MCCC1: variants seen among roughly 807,000 people sequenced by gnomAD.
The protein encoded by MCCC1 is methylcrotonyl-CoA carboxylase subunit 1.
Under a neutral mutation model 83.8 loss-of-function variants are expected in MCCC1, and 64 were observed. The observed-to-expected ratio is 0.76, with a 90% confidence interval of 0.62 to 0.94. MCCC1 has a LOEUF of 0.94. Among genes scored for constraint, MCCC1 ranks in the 40% least tolerant of loss-of-function variants. MCCC1 has a pLI of 0.00. For missense variants in MCCC1, 807 were observed against 904.7 expected (o/e 0.89, Z 1.39); for synonymous variants, 322 against 315.4 (o/e 1.02, Z -0.22).
chr3:183,038,241 G>A lies in MCCC1; in HGVS notation c.1377+785C>T, dbSNP rs191428759. On this transcript the variant is annotated intron_variant, in intron 12 of 18. Transcript: ENST00000265594. ...GAAGAAAATGAAGGCTGGCTAAGAGGATAAAGAATAACAAAAGGTCATACT... is the reference window on the plus strand; with the variant it reads ...GAAGAAAATGAAGGCTGGCTAAGAGAATAAAGAATAACAAAAGGTCATACT... Among the ~76,000 whole-genome samples the A allele has an allele frequency of 8.5e-5, 13 of 152,282 alleles. No individual in the cohort carries two copies. The East Asian group carries it at 2.3e-3, about 27-fold the overall frequency.
chr3:183,055,334 C>T (rs930122287), intron 8 of MCCC1, among the ~76,000 whole-genome samples: 2 of 152,046 alleles, frequency 1.3e-5, no homozygotes, highest in Non-Finnish European at 2.9e-5. Context: ...TGCTTAAACC[C>T]GCGAGGCGGA....
intron 3 of MCCC1, among the ~76,000 whole-genome samples, chr3:183,090,524 C>T (rs1439096219): frequency 6.6e-6 from 1 of 152,078 alleles, no homozygotes; most frequent in East Asian, 1.9e-4. Context: ...TAGGCATCAT[C>T]TCACTTACCT....
intron 5 of MCCC1, among the ~76,000 whole-genome samples, chr3:183,071,739 T>C (rs1459196911): frequency 6.6e-6 from 1 of 151,382 alleles, no homozygotes; most frequent in African/African-American, 2.4e-5. Flanking sequence ...TCTCACAATG[T>C]TGCCCATGCC....
At chr3:183,082,716 G>A (rs983412230) in intron 4 of MCCC1, among the ~76,000 whole-genome samples, 3 of 152,194 alleles carry the variant, frequency 2.0e-5, no homozygotes, top group South Asian at 2.1e-4. Context: ...GGTGGCTCAC[G>A]TCGGTAACGC....
At chr3:183,060,286 C>T (rs569709135) in intron 7 of MCCC1, among the ~76,000 whole-genome samples, 8 of 152,162 alleles carry the variant, frequency 5.3e-5, no homozygotes, top group South Asian at 2.1e-4. Context: ...CATAGTTGTA[C>T]GAAATCTTTG....
chr3:183,107,687 C>A (rs1037782546), intron 1 of MCCC1, among the ~76,000 whole-genome samples: 1 of 150,592 alleles, frequency 6.6e-6, no homozygotes, highest in African/African-American at 2.4e-5. Flanking sequence ...GGATTACAGG[C>A]GCATGCCACC....
At chr3:183,102,758 GTTTTTTTTTTTTTTTTTTTTT>G (rs566199257), upstream of MCCC1, among the ~76,000 whole-genome samples, 370 of 52,210 alleles carry the variant, frequency 7.1e-3, 6 homozygotes, top group African/African-American at 0.022. Flanking sequence ...AGCAGAGAAA[GTTTTTTTTTTTTTTTTTTTTT>G]TTTTTTTTTT....
chr3:183,050,433 T>C lies in MCCC1; in HGVS notation c.955+1726A>G, dbSNP rs144499308. 1.8e-3 allele frequency among the ~76,000 whole-genome samples: 271 copies of C among 152,114 alleles called. 1 individual carries two copies. The highest frequency in any genetic ancestry group is 6.2e-3 in the African/African-American group (256 of 41,508). On this transcript the variant is annotated intron_variant, in intron 9 of 18. Transcript: ENST00000265594. ...GAAAAGGAAAGTCGGCCGGGCGCGG[T>C]GGCTCAAGCCTGTAATTCCAGCACT...
intron 12 of MCCC1, among the ~76,000 whole-genome samples, chr3:183,038,229 G>T (rs188119202): frequency 6.6e-6 from 1 of 152,166 alleles, no homozygotes; most frequent in Non-Finnish European, 1.5e-5. Flanking sequence ...GAAAATGAAG[G>T]CTGGCTAAGA....
At chr3:183,087,731 C>T (rs936642601) in intron 3 of MCCC1, among the ~76,000 whole-genome samples, 1 of 151,832 alleles carries the variant, frequency 6.6e-6, no homozygotes, top group Admixed American at 6.6e-5. Context: ...ATTAGCTGGG[C>T]GTGGTGGTCG....
chr3:183,111,589 C>T (rs960502362), intron 1 of MCCC1, among the ~76,000 whole-genome samples: 7 of 152,192 alleles, frequency 4.6e-5, no homozygotes, highest in South Asian at 2.1e-4. Context: ...CGTGAGTCAC[C>T]GCGTCCAGCC....
chr3:183,104,918 C>G lies in MCCC1; in HGVS notation c.-101-10313G>C, dbSNP rs900720215. On this transcript the variant is annotated intron_variant, in intron 1 of 17. Coordinates refer to the MCCC1 transcript ENST00000492597. ...TATCAAAATTGCAAATCCACAAACT[C>G]TTTGACCTAGCAAAAGAATTTCTTG... is the stretch of plus-strand genomic sequence containing the variant. Among the ~76,000 whole-genome samples, 3 of 152,214 alleles carry G rather than the reference C, an allele frequency of 2.0e-5. No individual in the cohort carries two copies. In the East Asian group the frequency reaches 5.8e-4, roughly 29 times the overall value.
Position 183,057,385 on chromosome 3 carries a change from T to G in MCCC1, c.799A>C (p.Asn267His), listed in dbSNP as rs1223449369. The change falls in exon 8 of 19, where the codon AAT (asparagine) becomes CAT (histidine). Residue 267 changes from asparagine to histidine, a missense_variant. Asn to His is a moderately conservative substitution (Grantham distance 68, BLOSUM62 1). Transcript: ENST00000265594. Reference sequence around the variant, plus strand: ...TCTCTTTCAAACAAGTACACAGCATTGCCATGGTGATCACCAAACACCTGG... The same window carrying G: ...TCTCTTTCAAACAAGTACACAGCATGGCCATGGTGATCACCAAACACCTGG... ...EVQVFGDHHG[N>H]AVYLFERDCS... The G allele has an allele frequency of 3.1e-6, 5 of 1,610,028 alleles. No individual in the cohort carries two copies. Among genetic ancestry groups the G allele is most frequent in the Non-Finnish European group, 1.7e-6 (2 of 1,177,848 alleles).
chr3:183,107,435 A>AAAAGG (rs1021251834), intron 1 of MCCC1, among the ~76,000 whole-genome samples: 1 of 149,812 alleles, frequency 6.7e-6, no homozygotes, highest in Admixed American at 6.6e-5. Context: ...AAAGAAAAAG[A>AAAAGG]AAAAGAAAAC....
intron 1 of MCCC1, among the ~76,000 whole-genome samples, chr3:183,106,833 C>T (rs559765822): frequency 3.3e-5 from 5 of 152,056 alleles, no homozygotes; most frequent in South Asian, 2.1e-4. Flanking sequence ...CTTTATCTTT[C>T]TCTCTCTCCC....
chr3:183,037,657 G>C (rs920492452), intron 12 of MCCC1, among the ~76,000 whole-genome samples: 2 of 152,122 alleles, frequency 1.3e-5, no homozygotes, highest in African/African-American at 4.8e-5. Context: ...ATATCCATCT[G>C]GACTTGACAC....
At chr3:183,060,829 G>A (rs1046452027) in intron 7 of MCCC1, among the ~76,000 whole-genome samples, 1 of 151,980 alleles carries the variant, frequency 6.6e-6, no homozygotes, top group Non-Finnish European at 1.5e-5. Flanking sequence ...GCGGTGTTCC[G>A]TTTTTTTGTC....
intron 3 of MCCC1, among the ~76,000 whole-genome samples, chr3:183,087,593 T>G (rs1455678539): frequency 6.6e-6 from 1 of 152,048 alleles, no homozygotes; most frequent in Non-Finnish European, 1.5e-5. Context: ...TGATCAAGAC[T>G]GGCCGGGCAT....
intron 4 of MCCC1, among the ~76,000 whole-genome samples, chr3:183,081,254 A>G (rs1016332815): frequency 6.6e-6 from 1 of 152,214 alleles, no homozygotes; most frequent in African/African-American, 2.4e-5. Context: ...TGCTTCAGGC[A>G]TGTATTGAGC....
Sources: gnomAD v4.1 joint callset for allele counts (sites outside exome capture counted in the v4.1 genomes callset) on GRCh38, gnomAD v4.1.1 for gene constraint, MANE v1.5 for transcripts, NCBI Gene and HGNC (gene_info 2026-07-23, HGNC 2026-07-21) for gene names.